The following ADGRL1 variants were observed in gnomAD, a reference collection of about 807,000 sequenced individuals.
ADGRL1 encodes the protein adhesion G protein-coupled receptor L1.
Under a neutral mutation model 148.9 loss-of-function variants are expected in ADGRL1, and 31 were observed. That is an observed-to-expected ratio of 0.21 (90% CI 0.16 to 0.28). ADGRL1 has a LOEUF of 0.28. Among genes scored for constraint, ADGRL1 ranks in the 10% least tolerant of loss-of-function variants. The probability of loss-of-function intolerance (pLI) is 1.00; values close to 1 mark genes in which losing one functional copy is unlikely to be tolerated. For synonymous variants in ADGRL1, 937 were observed against 900.3 expected (o/e 1.04, Z -0.73); for missense variants, 1,521 against 2,058.8 (o/e 0.74, Z 5.05).
At position 14,173,660 on chromosome 19, in the gene ADGRL1, A is replaced by G. The variant is rs574684252; in HGVS notation, c.285-2869T>C. ...CCCAAACATCCACCAACAAATGAAC[A>G]GCTAGGCTGGGCGCAGTGGCTCATG... On this transcript the variant is annotated intron_variant, in intron 3 of 22. Transcript: ENST00000361434. Among the ~76,000 whole-genome samples the G allele has an allele frequency of 5.9e-5, 9 of 152,318 alleles. No homozygotes were observed. The South Asian group carries it at 1.0e-3, about 18-fold the overall frequency.
chr19:14,183,193 C>CAGATAGAGAGAGAGAGAGAGAGAGAG (rs1555790190), intron 2 of ADGRL1, among the ~76,000 whole-genome samples: 1 of 145,306 alleles, frequency 6.9e-6, no homozygotes, highest in Non-Finnish European at 1.5e-5. Flanking sequence ...GATGTAATCA[C>CAGATAGAGAGAGAGAGAGAGAGAGAG]AGAGAGAGAG....
intron 18 of ADGRL1, among the ~76,000 whole-genome samples, chr19:14,153,900 C>T (rs2144630573): frequency 6.6e-6 from 1 of 151,626 alleles, no homozygotes; most frequent in East Asian, 2.0e-4. Flanking sequence ...CGAGATCGCG[C>T]CATTGCACTC....
intron 1 of ADGRL1, among the ~76,000 whole-genome samples, chr19:14,197,763 G>C (rs1336599701): frequency 6.6e-6 from 1 of 152,218 alleles, no homozygotes; most frequent in East Asian, 1.9e-4. Flanking sequence ...TGACGGGAAA[G>C]TACCATTGTG....
intron 1 of ADGRL1, among the ~76,000 whole-genome samples, chr19:14,195,653 G>C (rs1313517787): frequency 6.6e-6 from 1 of 152,166 alleles, no homozygotes; most frequent in Non-Finnish European, 1.5e-5. Flanking sequence ...GCATCCGGCA[G>C]GTCCATAAGG....
rs1363608793 is a variant in ADGRL1, at chr19:14,181,717, T to A, written c.70+1816A>T. Among the ~76,000 whole-genome samples, 4 of 152,040 alleles carry A rather than the reference T, an allele frequency of 2.6e-5. No homozygotes were observed. In the East Asian group the frequency reaches 7.7e-4, roughly 29 times the overall value. Reference sequence around the variant, plus strand: ...CCTGGGCGACAAGAGCAAAACTCCATCTCAAAATAAAAACATTTAAAAAGT... The same window carrying A: ...CCTGGGCGACAAGAGCAAAACTCCAACTCAAAATAAAAACATTTAAAAAGT... On this transcript the variant is annotated intron_variant, in intron 2 of 22. Transcript: ENST00000361434.
chr19:14,152,983 G>T lies in ADGRL1; in HGVS notation c.3295-71C>A. The T allele has an allele frequency of 1.3e-6, 2 of 1,568,526 alleles. No homozygotes were observed. Among genetic ancestry groups the T allele is most frequent in the Admixed American group, 1.7e-5 (1 of 58,196 alleles). ...TGTGATCCAGTCTCCCACAGGGCTG[G>T]TCACAAGACAGGCAGCCTTGGGAGG... On this transcript the variant is annotated intron_variant, in intron 18 of 22. Coordinates refer to ENST00000361434, the MANE Select transcript of ADGRL1 (RefSeq NM_014921.5). The surrounding 1 kb of genome is among the most constrained non-coding windows in gnomAD (Gnocchi z 6.1).
chr19:14,170,404 GGGT>G (rs1970364044), intron 4 of ADGRL1: 1 of 357,300 alleles, frequency 2.8e-6, no homozygotes, highest in African/African-American at 2.1e-5. Flanking sequence ...AATGAGTATA[GGGT>G]GCATGAAGAA....
chr19:14,170,862 C>T, intron 3 of ADGRL1, 71 bp from the exon 4 acceptor site: 1 of 786,768 alleles, frequency 1.3e-6, no homozygotes, highest in East Asian at 2.7e-5. Context: ...GTGCATGCTC[C>T]AGGGTCATGG....
chr19:14,191,254 A>G (rs1222848763), intron 1 of ADGRL1: 1 of 456,532 alleles, frequency 2.2e-6, no homozygotes, highest in Non-Finnish European at 4.4e-6. Context: ...TCCTCCCCAG[A>G]GACGCAGACA....
intron 18 of ADGRL1, among the ~76,000 whole-genome samples, chr19:14,154,023 G>A (rs931997007): frequency 3.3e-5 from 5 of 152,002 alleles, no homozygotes; most frequent in African/African-American, 1.2e-4. Context: ...GTAAGAACGG[G>A]GGCTGCACCC....
At chr19:14,183,202 A>AGAGAGAGAGAGC (rs1206584234) in intron 2 of ADGRL1, among the ~76,000 whole-genome samples, 4 of 149,016 alleles carry the variant, frequency 2.7e-5, no homozygotes, top group South Asian at 2.2e-4. Context: ...ACAGAGAGAG[A>AGAGAGAGAGAGC]GAGAGAGAGA....
chr19:14,161,452 G>C lies in ADGRL1; in HGVS notation c.1370C>G (p.Pro457Arg). The C allele has an allele frequency of 6.8e-7, 1 of 1,466,518 alleles. No individual in the cohort carries two copies. The highest frequency in any genetic ancestry group is 1.5e-5 in the African/African-American group (1 of 66,276). The allele number at this position is 1,466,518 out of a possible 1,614,324, so 90.8% of individuals were successfully genotyped here. The change falls in exon 6 of 23, where the codon CCC becomes CGC. Residue 457 changes from proline to arginine, a missense_variant. Coordinates refer to ENST00000361434, the MANE Select transcript of ADGRL1 (RefSeq NM_014921.5). This position sits in a 1 kb window ranked among gnomAD's most constrained non-coding sequence, Gnocchi z 4.4. ...CGGGGCTGGGGGCCGCCGGGTGCTG[G>C]GGACTGGGGCTGTGGCTGGAGGCAG... ...PDLPPATAPVPSTRRPPAPNL... is the reference protein window; with the variant it reads ...PDLPPATAPVRSTRRPPAPNL...
At chr19:14,202,679 G>C (rs1005779199) in intron 1 of ADGRL1, among the ~76,000 whole-genome samples, 2 of 152,090 alleles carry the variant, frequency 1.3e-5, no homozygotes, top group African/African-American at 2.4e-5. Context: ...AGTGTGTGCA[G>C]ATTGCATGAC....
intron 1 of ADGRL1, among the ~76,000 whole-genome samples, chr19:14,192,784 C>G (rs1211646462): frequency 6.6e-6 from 1 of 152,146 alleles, no homozygotes; most frequent in Admixed American, 6.6e-5. Context: ...CTCCCAACCT[C>G]AGATGATCCA....
chr19:14,201,922 G>T (rs1972637957), intron 1 of ADGRL1, among the ~76,000 whole-genome samples: 1 of 152,218 alleles, frequency 6.6e-6, no homozygotes, highest in South Asian at 2.1e-4. Flanking sequence ...GGTGTGGGAA[G>T]CTGAGACTTT....
At chr19:14,188,137 C>T (rs757805391) in intron 1 of ADGRL1, among the ~76,000 whole-genome samples, 1 of 152,140 alleles carries the variant, frequency 6.6e-6, no homozygotes, top group Non-Finnish European at 1.5e-5. Flanking sequence ...GGAAGCCACT[C>T]GATGCCAAAT....
Position 14,151,687 on chromosome 19 carries a change from G to A in ADGRL1, c.3668-72C>T, listed in dbSNP as rs59113697. The A allele has an allele frequency of 2.0e-3, 2,860 of 1,410,310 alleles. 44 individuals carry two copies. The African/African-American group carries it at 0.034, about 17-fold the overall frequency. 87.4% of individuals were successfully genotyped at this position (1,410,310 alleles called of 1,614,324 possible). On this transcript the variant is annotated intron_variant, in intron 22 of 22. Transcript: ENST00000361434. ...GCACTAGGGGACAGTGAGGGGGTGC[G>A]GTCCATGTGGAGAAGTGGGCTTGAT...
chr19:14,157,561 C>T lies in ADGRL1; in HGVS notation c.2536-101G>A, dbSNP rs754890571. 7.5e-5 allele frequency: 92 copies of T among 1,219,488 alleles called. No individual in the cohort carries two copies. Among genetic ancestry groups the T allele is most frequent in the South Asian group, 5.9e-4 (45 of 76,440 alleles). The allele number at this position is 1,219,488 out of a possible 1,614,324, so 75.5% of individuals were successfully genotyped here. On this transcript the variant is annotated intron_variant, in intron 13 of 22. Transcript: ENST00000361434. The surrounding 1 kb of genome is among the most constrained non-coding windows in gnomAD (Gnocchi z 7.5). ...CAGGGCCCTGGGCAAGGCCATGGGC[C>T]GTGAGGACCTCTGGTGCCGCCAACC...
chr19:14,177,824 C>A, intron 2 of ADGRL1, 80 bp from the exon 3 acceptor site: 1 of 1,310,394 alleles, frequency 7.6e-7, no homozygotes, highest in African/African-American at 1.5e-5. Flanking sequence ...AAGAAAACAC[C>A]ACCTCTGGCT....
Sources: gnomAD v4.1 joint callset for allele counts (sites outside exome capture counted in the v4.1 genomes callset) on GRCh38, gnomAD v4.1.1 for gene constraint, Gnocchi (gnomAD v3.1) non-coding constraint, MANE v1.5 for transcripts, NCBI Gene and HGNC (gene_info 2026-07-23, HGNC 2026-07-21) for gene names.